Variants in GASK1A observed in about 807,000 individuals in gnomAD.
GASK1A encodes the protein golgi associated kinase 1A.
A neutral mutation model predicts 41.2 loss-of-function variants in GASK1A; 40 were observed. The ratio of observed to expected loss-of-function variants is 0.97; its 90% CI spans 0.75 to 1.27. GASK1A has a LOEUF of 1.27. GASK1A is among the 50% of genes most tolerant of loss of function. The pLI is 0.00. For synonymous variants in GASK1A, 316 were observed against 307.1 expected (o/e 1.03, Z -0.30); for missense variants, 678 against 745.1 (o/e 0.91, Z 1.05).
rs571436337 is a variant in GASK1A, at chr3:42,984,791, T to C, written c.3+5146T>C. On this transcript the variant is annotated intron_variant, in intron 1 of 4. Coordinates refer to ENST00000430121, the MANE Select transcript of GASK1A (RefSeq NM_001129908.3). The surrounding 1 kb of genome is among the most constrained non-coding windows in gnomAD (Gnocchi z 4.2). Reference sequence around the variant, plus strand: ...CCTTTAAATGAATACTTGGCATGAATGGCATGCAGGGGAGTGAGCAAGCAG... The same window carrying C: ...CCTTTAAATGAATACTTGGCATGAACGGCATGCAGGGGAGTGAGCAAGCAG... Among the ~76,000 whole-genome samples, 39 of 152,318 alleles carry C rather than the reference T, an allele frequency of 2.6e-4. No homozygotes were observed. In the East Asian group the frequency reaches 6.8e-3, roughly 26 times the overall value.
chr3:43,037,263 G>A (rs1176003364), intron 2 of GASK1A: 10 of 965,102 alleles, frequency 1.0e-5, no homozygotes, highest in South Asian at 2.6e-5. Flanking sequence ...AGCGATGGCC[G>A]AGGAGAAGCC....
intron 2 of GASK1A, among the ~76,000 whole-genome samples, chr3:43,044,962 T>G (rs910530465): frequency 4.6e-5 from 7 of 152,114 alleles, no homozygotes; most frequent in Non-Finnish European, 1.0e-4. Flanking sequence ...CCCCAAGCTC[T>G]GGGAGCCCAC....
At chr3:43,021,858 C>T (rs2089524076) in intron 1 of GASK1A, among the ~76,000 whole-genome samples, 1 of 152,182 alleles carries the variant, frequency 6.6e-6, no homozygotes, top group African/African-American at 2.4e-5. Context: ...GTGGATGGGA[C>T]TGTTAAGCCC....
chr3:43,053,395 A>ACTGAGGGTCACCCCTGCT, intron 2 of GASK1A, 126 bp from the exon 3 acceptor site: 1 of 1,086,924 alleles, frequency 9.2e-7, no homozygotes, highest in Non-Finnish European at 1.3e-6. Context: ...ACAGAGAACC[A>ACTGAGGGTCACCCCTGCT]GTGAGGGTCA....
In GASK1A at chr3:43,033,492, C is replaced by T. The variant is rs568471305; in HGVS notation, c.1229C>T (p.Pro410Leu). The T allele has an allele frequency of 6.1e-5, 94 of 1,549,974 alleles. No individual in the cohort carries two copies. The highest frequency in any genetic ancestry group is 2.4e-4 in the South Asian group (20 of 84,008). Residue 410 changes from proline (P) to leucine (L), a missense_variant, in exon 2 of 5, where the codon CCG becomes CTG. Physicochemically the swap from Pro to Leu is moderately conservative, Grantham distance 98 (BLOSUM62 -3). Coordinates refer to ENST00000430121, the MANE Select transcript of GASK1A (RefSeq NM_001129908.3). ...AHSCNWPGQA[P>L]CPGIHHTEWA... Reference sequence around the variant, plus strand: ...AGCTGCAACTGGCCAGGCCAGGCCCCGTGCCCGGGCATCCACCATACCGAG... The same window carrying T: ...AGCTGCAACTGGCCAGGCCAGGCCCTGTGCCCGGGCATCCACCATACCGAG...
chr3:43,053,903 CT>C, intron 3 of GASK1A: 1 of 543,942 alleles, frequency 1.8e-6, no homozygotes, highest in Non-Finnish European at 3.4e-6. Flanking sequence ...TCCACTGCCC[CT>C]AAGAGACTCC....
intron 1 of GASK1A, among the ~76,000 whole-genome samples, chr3:43,007,184 T>C (rs1161850975): frequency 6.6e-6 from 1 of 152,218 alleles, no homozygotes; most frequent in Admixed American, 6.5e-5. Flanking sequence ...TACAAGTGTG[T>C]GGGGCAATTG....
At chr3:42,996,079 C>T (rs778677588) in intron 1 of GASK1A, among the ~76,000 whole-genome samples, 36 of 152,156 alleles carry the variant, frequency 2.4e-4, no homozygotes, top group Non-Finnish European at 3.8e-4. Context: ...AAAGCCCCAA[C>T]GTATAATCAA....
chr3:43,051,239 T>C (rs2089686850), intron 2 of GASK1A, among the ~76,000 whole-genome samples: 1 of 152,216 alleles, frequency 6.6e-6, no homozygotes, highest in Non-Finnish European at 1.5e-5. Flanking sequence ...ATGAACAAAT[T>C]CTATAGTCAT....
chr3:42,982,887 A>G (rs2089289482), intron 1 of GASK1A, among the ~76,000 whole-genome samples: 1 of 152,212 alleles, frequency 6.6e-6, no homozygotes, highest in African/African-American at 2.4e-5. Flanking sequence ...GGGAGCCCAC[A>G]TGGGCCAGTC....
At chr3:43,022,747 C>A (rs570672749) in intron 1 of GASK1A, among the ~76,000 whole-genome samples, 18 of 152,328 alleles carry the variant, frequency 1.2e-4, no homozygotes, top group African/African-American at 4.1e-4. Context: ...ACAACTTCCT[C>A]TCTTGGCATC....
At position 43,036,511 on chromosome 3, in the gene GASK1A, G is replaced by A. The variant is rs141649899; in HGVS notation, c.1290+2958G>A. Among the ~76,000 whole-genome samples the A allele has an allele frequency of 8.2e-4, 125 of 152,234 alleles. 2 individuals are homozygous for A. The highest frequency in any genetic ancestry group is 3.0e-3 in the African/African-American group (124 of 41,534). ...CACAAAACACAAGCACCGCACACATGCACATCTCTTATACACCCCATAAAG... is the reference window on the plus strand; with the variant it reads ...CACAAAACACAAGCACCGCACACATACACATCTCTTATACACCCCATAAAG... On this transcript the variant is annotated intron_variant, in intron 2 of 4. Transcript: ENST00000430121.
chr3:42,985,786 A>T (rs1404094313), intron 1 of GASK1A, among the ~76,000 whole-genome samples: 1 of 152,200 alleles, frequency 6.6e-6, no homozygotes, highest in Non-Finnish European at 1.5e-5. Flanking sequence ...AAGGGAAGAA[A>T]GGAGAAGCCA....
intron 1 of GASK1A, among the ~76,000 whole-genome samples, chr3:43,011,206 A>C (rs1314202283): frequency 6.6e-6 from 1 of 151,990 alleles, no homozygotes; most frequent in Non-Finnish European, 1.5e-5. Context: ...ACATGGTGAA[A>C]CCCTGTCTCT....
chr3:42,981,979 C>G (rs753260890), intron 1 of GASK1A, among the ~76,000 whole-genome samples: 5 of 151,820 alleles, frequency 3.3e-5, no homozygotes, highest in African/African-American at 1.2e-4. Flanking sequence ...TATTATTGAT[C>G]CAAGATACGT....
chr3:43,057,400 A>G lies in GASK1A; in HGVS notation c.*1014A>G, dbSNP rs918972702. The G allele has an allele frequency of 6.6e-6, 1 of 152,156 alleles. No homozygotes were observed. The highest frequency in any genetic ancestry group is 1.5e-5 in the Non-Finnish European group (1 of 68,038). The allele number at this position is 152,156 out of a possible 1,614,324, so 9.4% of individuals were successfully genotyped here. ...ATTGCTCTCTGAAATGGTGGTGTCA[A>G]TTTACATTTCTCCCAAGAGGGTAGG... On this transcript the variant is annotated 3_prime_UTR_variant, in exon 5 of 5. Transcript: ENST00000430121.
chr3:43,024,046 A>G (rs1408538377), intron 1 of GASK1A, among the ~76,000 whole-genome samples: 1 of 152,040 alleles, frequency 6.6e-6, no homozygotes, highest in African/African-American at 2.4e-5. Flanking sequence ...TGTGTTCACT[A>G]TATTCTCTTA....
intron 1 of GASK1A, among the ~76,000 whole-genome samples, chr3:43,006,347 G>A (rs532098688): frequency 6.6e-6 from 1 of 152,260 alleles, no homozygotes; most frequent in Admixed American, 6.5e-5. Context: ...GGTTTTAGTG[G>A]AGTAATTTAA....
chr3:42,980,147 T>C (rs548354851), intron 1 of GASK1A, among the ~76,000 whole-genome samples: 23 of 152,234 alleles, frequency 1.5e-4, no homozygotes, highest in Non-Finnish European at 3.1e-4. Context: ...AAATTGGCTC[T>C]AGTAAGGTTC....
Sources: gnomAD v4.1 joint callset for allele counts (sites outside exome capture counted in the v4.1 genomes callset) on GRCh38, gnomAD v4.1.1 for gene constraint, Gnocchi (gnomAD v3.1) non-coding constraint, MANE v1.5 for transcripts, NCBI Gene and HGNC (gene_info 2026-07-23, HGNC 2026-07-21) for gene names.